The following LPIN1 variants were observed in gnomAD, a reference collection of about 807,000 sequenced individuals.
The protein encoded by LPIN1 is lipin 1.
Under a neutral mutation model 107.5 loss-of-function variants are expected in LPIN1, and 71 were observed. The ratio of observed to expected loss-of-function variants is 0.66; its 90% CI spans 0.55 to 0.80. LPIN1 has a LOEUF of 0.80. Among genes scored for constraint, LPIN1 ranks in the 30% least tolerant of loss-of-function variants. The pLI is 0.00. For missense variants in LPIN1, 1,043 were observed against 1,160.6 expected, an observed-to-expected ratio of 0.90 and a Z score of 1.47; for synonymous variants, 445 against 452.6, an observed-to-expected ratio of 0.98 and a Z score of 0.21.
Position 11,805,106 on chromosome 2 carries a change from G to A in LPIN1, c.2199G>A (p.Gly733=), listed in dbSNP as rs886484590. Residue 733 remains glycine, a synonymous_variant, in exon 17 of 21, where the codon GGG becomes GGA. Coordinates refer to ENST00000674199, the MANE Select transcript of LPIN1 (RefSeq NM_001349206.2). ...DTLGHILPTL[G]KDWTHQGIAK... Reference sequence around the variant, plus strand: ...TTGGCCACATTTTGCCCACCCTTGGGAAGGATTGGACCCATCAGGGCATCG... The same window carrying A: ...TTGGCCACATTTTGCCCACCCTTGGAAAGGATTGGACCCATCAGGGCATCG... The A allele has an allele frequency of 6.2e-7, 1 of 1,613,968 alleles. No individual in the cohort carries two copies. Among genetic ancestry groups the A allele is most frequent in the East Asian group, 2.2e-5 (1 of 44,878 alleles).
intron 1 of LPIN1, among the ~76,000 whole-genome samples, chr2:11,754,700 G>A (rs1032484679): frequency 6.6e-6 from 1 of 152,190 alleles, no homozygotes; most frequent in Non-Finnish European, 1.5e-5. Flanking sequence ...ACTAGTCGTT[G>A]TGTTGACCAC....
chr2:11,701,245 C>T (rs932014732), intron 1 of LPIN1, among the ~76,000 whole-genome samples: 9 of 152,158 alleles, frequency 5.9e-5, no homozygotes, highest in African/African-American at 1.4e-4. Flanking sequence ...GCATGCAGCA[C>T]GCATCATGTT....
intron 10 of LPIN1, among the ~76,000 whole-genome samples, chr2:11,785,977 CTG>C (rs1674509125): frequency 6.6e-6 from 1 of 152,188 alleles, no homozygotes; most frequent in South Asian, 2.1e-4. Context: ...CCCAGCCTCA[CTG>C]TGTTTCTGAA....
At chr2:11,791,237 G>A (rs905093931) in intron 12 of LPIN1, among the ~76,000 whole-genome samples, 6 of 152,178 alleles carry the variant, frequency 3.9e-5, no homozygotes, top group Non-Finnish European at 5.9e-5. Flanking sequence ...CTTCTTGAAA[G>A]TTCTGTAAAC....
upstream of LPIN1, among the ~76,000 whole-genome samples, chr2:11,743,516 G>A (rs1156474848): frequency 6.6e-6 from 1 of 152,136 alleles, no homozygotes; most frequent in African/African-American, 2.4e-5. This position sits in a 1 kb window ranked among gnomAD's most constrained non-coding sequence, Gnocchi z 4.7. Flanking sequence ...GGCACCAGGT[G>A]GCCCCTGGTT....
At chr2:11,807,668 G>A (rs542759957) in intron 17 of LPIN1, among the ~76,000 whole-genome samples, 3 of 152,190 alleles carry the variant, frequency 2.0e-5, no homozygotes, top group South Asian at 2.1e-4. Context: ...GTCTGGACCC[G>A]CAGATACTGC....
At chr2:11,812,922 A>G (rs1419695543) in intron 17 of LPIN1, among the ~76,000 whole-genome samples, 1 of 151,930 alleles carries the variant, frequency 6.6e-6, no homozygotes, top group African/African-American at 2.4e-5. Flanking sequence ...CCGAGGGTGG[A>G]GCAGAGGGGA....
chr2:11,801,820 T>C (rs1677795847), intron 14 of LPIN1, among the ~76,000 whole-genome samples: 1 of 152,224 alleles, frequency 6.6e-6, no homozygotes, highest in Admixed American at 6.5e-5. Flanking sequence ...ATTACCCTGA[T>C]TTGATCATGG....
At chr2:11,720,275 C>T (rs1406741946), upstream of LPIN1, among the ~76,000 whole-genome samples, 6 of 152,174 alleles carry the variant, frequency 3.9e-5, no homozygotes, top group South Asian at 6.2e-4. Context: ...TGCAACCAGA[C>T]ATGACCCATG....
chr2:11,820,281 C>G (rs1681286231), intron 19 of LPIN1, 130 bp from the exon 20 acceptor site: 2 of 683,390 alleles, frequency 2.9e-6, no homozygotes, highest in Non-Finnish European at 5.3e-6. Context: ...TATTCTTTCA[C>G]TGCACCACTT....
chr2:11,745,109 C>T (rs1666765884), upstream of LPIN1: 1 of 152,310 alleles, frequency 6.6e-6, no homozygotes, highest in East Asian at 1.9e-4. Flanking sequence ...AGCTGGCCTC[C>T]TCCCTGGCCC....
At chr2:11,694,116 G>A (rs371513461) in intron 1 of LPIN1, among the ~76,000 whole-genome samples, 6 of 151,976 alleles carry the variant, frequency 3.9e-5, no homozygotes, top group African/African-American at 1.4e-4. Flanking sequence ...TTACATGCGT[G>A]AGCCACCATG....
At chr2:11,715,492 A>C (rs763447422) in intron 2 of LPIN1, among the ~76,000 whole-genome samples, 12 of 152,214 alleles carry the variant, frequency 7.9e-5, no homozygotes, top group Non-Finnish European at 1.5e-4. Flanking sequence ...TGGCTCTGCC[A>C]CTTACAGCAT....
rs1470216551 is a variant in LPIN1 at position 11,782,382 on chromosome 2, A to G, written c.1139A>G (p.Asn380Ser). 2.5e-6 allele frequency: 4 copies of G among 1,614,120 alleles called. No homozygotes were observed. The highest frequency in any genetic ancestry group is 3.4e-6 in the Non-Finnish European group (4 of 1,180,052). Residue 380 changes from asparagine to serine, a missense_variant, in exon 8 of 21, where the codon AAT (asparagine) becomes AGT (serine). Transcript: ENST00000674199. ...NKPQTEMQFV[N>S]EEDLETLGAA... ...CCTCAGACAGAAATGCAGTTTGTGAATGAAGAAGACCTGGAGACCTTAGGA... is the reference window on the plus strand; with the variant it reads ...CCTCAGACAGAAATGCAGTTTGTGAGTGAAGAAGACCTGGAGACCTTAGGA...
chr2:11,755,512 C>T (rs1668537468), intron 1 of LPIN1, among the ~76,000 whole-genome samples: 1 of 152,122 alleles, frequency 6.6e-6, no homozygotes, highest in Non-Finnish European at 1.5e-5. Flanking sequence ...TGTTCAGCCA[C>T]TTGACAAATG....
At chr2:11,680,657 G>A (rs1661665305) in intron 1 of LPIN1, among the ~76,000 whole-genome samples, 1 of 152,196 alleles carries the variant, frequency 6.6e-6, no homozygotes, top group South Asian at 2.1e-4. Flanking sequence ...TCTAGCTGCG[G>A]GGTCAGCTTG....
At chr2:11,766,249 C>T (rs778703729) in intron 2 of LPIN1, among the ~76,000 whole-genome samples, 27 of 152,180 alleles carry the variant, frequency 1.8e-4, no homozygotes, top group Admixed American at 2.6e-4. Flanking sequence ...CCTAGCCTTG[C>T]AAGCCACATG....
intron 2 of LPIN1, among the ~76,000 whole-genome samples, chr2:11,714,293 C>T (rs1663590853): frequency 1.3e-5 from 2 of 152,248 alleles, no homozygotes; most frequent in African/African-American, 4.8e-5. Flanking sequence ...TGCCTTGCAC[C>T]TGGTTCCCAG....
At position 11,690,248 on chromosome 2, in the gene LPIN1, T is replaced by C. The variant is rs141586752; in HGVS notation, c.81+12520T>C. Among the ~76,000 whole-genome samples the C allele has an allele frequency of 2.6e-5, 4 of 152,360 alleles. No homozygotes were observed. The East Asian group carries it at 7.7e-4, about 29-fold the overall frequency. ...GGACTGTCTATGGAAGACAAATTCC[T>C]TTAGTTTTTGTTTATCTGAAAATGT... On this transcript the variant is annotated intron_variant, in intron 1 of 21. Coordinates refer to the LPIN1 transcript ENST00000449576.
Sources: gnomAD v4.1 joint callset for allele counts (sites outside exome capture counted in the v4.1 genomes callset) on GRCh38, gnomAD v4.1.1 for gene constraint, Gnocchi (gnomAD v3.1) non-coding constraint, MANE v1.5 for transcripts, NCBI Gene and HGNC (gene_info 2026-07-23, HGNC 2026-07-21) for gene names.